DIP2C: variants seen among roughly 807,000 people sequenced by gnomAD.
DIP2C encodes disco-interacting protein 2 homolog C.
A neutral mutation model predicts 192.4 loss-of-function variants in DIP2C; 33 were observed. That is an observed-to-expected ratio of 0.17 (90% confidence interval 0.13 to 0.23). DIP2C has a LOEUF of 0.23. Among genes scored for constraint, DIP2C ranks in the 10% least tolerant of loss-of-function variants. DIP2C has a pLI of 1.00. For synonymous variants in DIP2C, 979 were observed against 864.1 expected (o/e 1.13, Z -2.33); for missense variants, 1,537 against 2,110.1 (o/e 0.73, Z 5.32).
intron 9 of DIP2C, among the ~76,000 whole-genome samples, chr10:408,685 A>G (rs1188572848): frequency 6.6e-6 from 1 of 152,238 alleles, no homozygotes; most frequent in East Asian, 1.9e-4. Flanking sequence ...ACCAAGCTCC[A>G]CATCTAAACT....
intron 29 of DIP2C, chr10:340,630 G>A: frequency 2.5e-6 from 1 of 395,206 alleles, no homozygotes; most frequent in Non-Finnish European, 5.1e-6. Flanking sequence ...TGTATAATCA[G>A]ACAAAAAAGC....
At chr10:483,392 C>T (rs1163962021) in intron 2 of DIP2C, among the ~76,000 whole-genome samples, 1 of 152,230 alleles carries the variant, frequency 6.6e-6, no homozygotes, top group Non-Finnish European at 1.5e-5. Flanking sequence ...CGTCTGCGTT[C>T]CTTGCTGCTT....
intron 32 of DIP2C, among the ~76,000 whole-genome samples, chr10:302,148 T>A (rs1956084054): frequency 6.6e-6 from 1 of 152,114 alleles, no homozygotes; most frequent in Non-Finnish European, 1.5e-5. Context: ...TACACATAAT[T>A]GTATATCCAT....
intron 36 of DIP2C, among the ~76,000 whole-genome samples, chr10:280,971 C>CTT (rs1954790056): frequency 6.6e-6 from 1 of 152,128 alleles, no homozygotes; most frequent in African/African-American, 2.4e-5. Context: ...GTAGTTTTCA[C>CTT]GGCAATAGAA....
intron 1 of DIP2C, chr10:665,799 A>G (rs923728687): frequency 6.6e-6 from 1 of 152,224 alleles, no homozygotes; most frequent in African/African-American, 2.4e-5. Context: ...CCGATGAAAT[A>G]TACGAGATCG....
At chr10:583,860 C>T (rs555837161) in intron 1 of DIP2C, among the ~76,000 whole-genome samples, 1 of 152,226 alleles carries the variant, frequency 6.6e-6, no homozygotes, top group South Asian at 2.1e-4. Flanking sequence ...AGGGCCCACA[C>T]TGACCACAGC....
At chr10:318,819 C>G (rs1476306692) in intron 31 of DIP2C, among the ~76,000 whole-genome samples, 2 of 152,136 alleles carry the variant, frequency 1.3e-5, no homozygotes, top group African/African-American at 2.4e-5. Context: ...GACAAGGAAA[C>G]TGAGAGCTCA....
intron 29 of DIP2C, among the ~76,000 whole-genome samples, chr10:337,458 TGTG>T (rs1262117651): frequency 7.3e-6 from 1 of 136,716 alleles, no homozygotes. Context: ...GCGTGTGTGT[TGTG>T]GAGGCCTAAG....
At chr10:501,535 G>C (rs1845227676) in intron 1 of DIP2C, among the ~76,000 whole-genome samples, 1 of 151,928 alleles carries the variant, frequency 6.6e-6, no homozygotes, top group African/African-American at 2.4e-5. Context: ...ATTATAGAGG[G>C]AAGATGAGAA....
At chr10:524,783 T>C (rs1014688524) in intron 1 of DIP2C, among the ~76,000 whole-genome samples, 15 of 152,076 alleles carry the variant, frequency 9.9e-5, no homozygotes, top group African/African-American at 3.6e-4. Flanking sequence ...AGTTTAAGCA[T>C]TAGGGAGTTC....
At chr10:376,949 G>A (rs1961672714) in intron 17 of DIP2C, among the ~76,000 whole-genome samples, 3 of 152,302 alleles carry the variant, frequency 2.0e-5, no homozygotes, top group Admixed American at 1.3e-4. Flanking sequence ...AAGTGAGATT[G>A]CGATTTTTAA....
At chr10:439,145 C>A (rs545400686) in intron 4 of DIP2C, among the ~76,000 whole-genome samples, 2 of 152,280 alleles carry the variant, frequency 1.3e-5, no homozygotes, top group East Asian at 3.9e-4. Flanking sequence ...CGTGCCTAGC[C>A]CCTAATTACG....
At chr10:684,768 T>G (rs1439343697) in intron 1 of DIP2C, among the ~76,000 whole-genome samples, 4 of 152,186 alleles carry the variant, frequency 2.6e-5, no homozygotes, top group Non-Finnish European at 4.4e-5. Context: ...GATCCCCTCT[T>G]TGGCGACAGC....
At chr10:560,383 A>T (rs374434089) in intron 1 of DIP2C, among the ~76,000 whole-genome samples, 4 of 143,524 alleles carry the variant, frequency 2.8e-5, no homozygotes, top group Non-Finnish European at 4.6e-5. Flanking sequence ...ACAACCATTT[A>T]AAAAAAAAAA....
intron 31 of DIP2C, among the ~76,000 whole-genome samples, chr10:318,385 G>C (rs186543129): frequency 2.6e-5 from 4 of 152,184 alleles, no homozygotes; most frequent in African/African-American, 9.7e-5. Flanking sequence ...TCTTGCTGTC[G>C]GCAGTGAAGG....
In DIP2C at chr10:362,637, T is replaced by G; in HGVS notation, c.2647A>C (p.Asn883His). Reference protein sequence around the residue: ...GVYCLALVPANTLPKTPLGGI... With the variant: ...GVYCLALVPAHTLPKTPLGGI... ...CCAAGCGGGGTTTTGGGGAGGGTGT[T>G]TGCTGGCACCAAGGCCAGGCAATAA... The change falls in exon 22 of 37, where the codon AAC becomes CAC. Residue 883 changes from asparagine (N) to histidine (H), a missense_variant. Asn to His is a moderately conservative substitution (Grantham distance 68). Coordinates refer to ENST00000280886, the MANE Select transcript of DIP2C (RefSeq NM_014974.3). 1.2e-6 allele frequency: 2 copies of G among 1,614,084 alleles called. No individual in the cohort carries two copies. Among genetic ancestry groups the G allele is most frequent in the South Asian group, 2.2e-5 (2 of 91,072 alleles).
At chr10:649,932 G>A (rs868118783) in intron 1 of DIP2C, 16 of 589,510 alleles carry the variant, frequency 2.7e-5, no homozygotes, top group East Asian at 2.3e-4. Flanking sequence ...GCGTCACGGC[G>A]TTGCCGCACA....
chr10:357,369 C>G (rs753289575), intron 23 of DIP2C, among the ~76,000 whole-genome samples: 5 of 152,152 alleles, frequency 3.3e-5, no homozygotes, highest in Non-Finnish European at 7.4e-5. Context: ...TTGCTGCAAG[C>G]TGCTGTGGGC....
At chr10:608,115 CACACACACAGCCCCA>C (rs1478975568) in intron 1 of DIP2C, among the ~76,000 whole-genome samples, 1 of 129,210 alleles carries the variant, frequency 7.7e-6, no homozygotes, top group Non-Finnish European at 1.6e-5. Flanking sequence ...ACACACACAC[CACACACACAGCCCCA>C]ACACACACAC....
Sources: gnomAD v4.1 joint callset for allele counts (sites outside exome capture counted in the v4.1 genomes callset) on GRCh38, gnomAD v4.1.1 for gene constraint, MANE v1.5 for transcripts, NCBI Gene and HGNC (gene_info 2026-07-23, HGNC 2026-07-21) for gene names.